TFIP11: variants seen among roughly 807,000 people sequenced by gnomAD.
TFIP11 encodes tuftelin interacting protein 11.
TFIP11 carries 86 observed loss-of-function variants against 96.8 expected under a neutral mutation model. That is an observed-to-expected ratio of 0.89 (90% confidence interval 0.75 to 1.06). TFIP11 has a LOEUF of 1.06. Among genes scored for constraint, TFIP11 ranks in the 50% least tolerant of loss-of-function variants. The pLI is 0.00. For synonymous variants in TFIP11, 405 were observed against 395.2 expected (o/e 1.02, Z -0.29); for missense variants, 881 against 1,076.7 (o/e 0.82, Z 2.54).
At chr22:26,497,558 C>T (rs949469762) in intron 10 of TFIP11, among the ~76,000 whole-genome samples, 1 of 152,200 alleles carries the variant, frequency 6.6e-6, no homozygotes, top group Non-Finnish European at 1.5e-5. Context: ...ATCCAGCAAT[C>T]CCACTACTGG....
intron 6 of TFIP11, among the ~76,000 whole-genome samples, chr22:26,504,405 G>C (rs1485535011): frequency 6.6e-6 from 1 of 152,118 alleles, no homozygotes; most frequent in East Asian, 1.9e-4. Flanking sequence ...TTCCACTGAA[G>C]TCTTAAATAA....
rs766402602 is a variant in TFIP11, at chr22:26,494,952, C to A, written c.1850-13G>T. The A allele has an allele frequency of 5.0e-6, 8 of 1,614,092 alleles. No individual in the cohort carries two copies. The South Asian group carries it at 5.5e-5, about 11-fold the overall frequency. ...CCAAGACACATCCCTGGAAGAGAAA[C>A]CCGGTCTGTAAGGCACAGCTTTAGT... On this transcript the variant is annotated splice_polypyrimidine_tract_variant and intron_variant, in intron 12 of 14. Coordinates refer to ENST00000407690, the MANE Select transcript of TFIP11 (RefSeq NM_012143.4).
intron 14 of TFIP11, chr22:26,493,795 T>C (rs530616311): frequency 9.0e-5 from 24 of 267,306 alleles, no homozygotes; most frequent in South Asian, 8.0e-4. Flanking sequence ...CACTGTAAGA[T>C]GCGTCACCTA....
In TFIP11 at chr22:26,491,287, A is replaced by C; in HGVS notation, c.*726T>G. 1 of 711,140 alleles carries C rather than the reference A, an allele frequency of 1.4e-6. No homozygotes were observed. Among genetic ancestry groups the C allele is most frequent in the Non-Finnish European group, 2.4e-6 (1 of 425,158 alleles). The allele number at this position is 711,140 out of a possible 1,614,324, so 44.1% of individuals were successfully genotyped here. ...TATTCTTAGTATCACAGTCCATGAT[A>C]TCCACTGTCCTTGGGGCGCCCAATT... On this transcript the variant is annotated 3_prime_UTR_variant, in exon 15 of 15. Coordinates refer to ENST00000407690, the MANE Select transcript of TFIP11 (RefSeq NM_012143.4).
chr22:26,492,509 T>C (rs1054134197), intron 14 of TFIP11, 141 bp from the exon 15 acceptor site: 4 of 722,994 alleles, frequency 5.5e-6, no homozygotes, highest in Middle Eastern at 3.7e-4. Flanking sequence ...GATACAACTT[T>C]GGAGGAAGTT....
At chr22:26,499,710 A>G in intron 8 of TFIP11, 79 bp from the exon 9 acceptor site, 4 of 1,428,202 alleles carry the variant, frequency 2.8e-6, no homozygotes, top group East Asian at 2.3e-5. Context: ...GGAAGGCCCC[A>G]TGACAGGGGA....
In TFIP11 at chr22:26,494,266, C is replaced by T. The variant is rs148911336; in HGVS notation, c.2031G>A (p.Glu677=). The change falls in exon 14 of 15, where the codon GAG becomes GAA. Residue 677 remains glutamate (E), a synonymous_variant. Coordinates refer to ENST00000407690, the MANE Select transcript of TFIP11 (RefSeq NM_012143.4). ...CSWLSNSPNY[E]EITKWYLGWK... is the part of the protein sequence containing the mutation. ...AACCCAGGTACCACTTGGTGATCTC[C>T]TCATAATTTGGGCTGTTACTGAGCC... 2 of 1,614,108 alleles carry T rather than the reference C, an allele frequency of 1.2e-6. No individual in the cohort carries two copies. The highest frequency in any genetic ancestry group is 1.3e-5 in the African/African-American group (1 of 74,934).
chr22:26,493,960 G>T, intron 14 of TFIP11, 179 bp downstream of exon 14: 1 of 629,500 alleles, frequency 1.6e-6, no homozygotes. Context: ...GACCTGGGCA[G>T]TGGGTGCCAG....
At chr22:26,510,433 TA>T (rs1923913337) in intron 3 of TFIP11, among the ~76,000 whole-genome samples, 152 bp from the exon 4 acceptor site, 1 of 152,150 alleles carries the variant, frequency 6.6e-6, no homozygotes, top group Non-Finnish European at 1.5e-5. Context: ...AAAAAGATAT[TA>T]AAAACCTACT....
At chr22:26,493,130 C>G (rs1569154961) in intron 14 of TFIP11, 1 of 151,824 alleles carries the variant, frequency 6.6e-6, no homozygotes, top group African/African-American at 2.4e-5. Context: ...CAGGTTTAAG[C>G]GATTCTTCTG....
intron 10 of TFIP11, 74 bp downstream of exon 10, chr22:26,498,795 C>T: frequency 8.3e-7 from 1 of 1,208,712 alleles, no homozygotes; most frequent in African/African-American, 1.5e-5. Flanking sequence ...TGCTGCCTTC[C>T]CCCACCTTCA....
rs145696489 is a variant in TFIP11 at position 26,494,263 on chromosome 22, C to A, written c.2034G>T (p.Glu678Asp). The A allele has an allele frequency of 1.2e-6, 2 of 1,614,032 alleles. No individual in the cohort carries two copies. Among genetic ancestry groups the A allele is most frequent in the African/African-American group, 2.7e-5 (2 of 74,910 alleles). ...TCCAACCCAGGTACCACTTGGTGAT[C>A]TCCTCATAATTTGGGCTGTTACTGA... ...SWLSNSPNYEEITKWYLGWKS... is the reference protein window; with the variant it reads ...SWLSNSPNYEDITKWYLGWKS... The change falls in exon 14 of 15, where the codon GAG becomes GAT. Residue 678 changes from glutamate (E) to aspartate (D), a missense_variant. Transcript: ENST00000407690.
intron 12 of TFIP11, among the ~76,000 whole-genome samples, chr22:26,495,236 A>G (rs549613445): frequency 7.7e-6 from 1 of 130,336 alleles, no homozygotes; most frequent in African/African-American, 2.9e-5. Context: ...GGCTGGGATT[A>G]CAGGCATAAG....
chr22:26,491,348 T>G lies in TFIP11; in HGVS notation c.*665A>C. The G allele has an allele frequency of 6.8e-6, 6 of 888,618 alleles. 1 individual carries two copies. The highest frequency in any genetic ancestry group is 1.1e-5 in the Non-Finnish European group (6 of 570,776). 55.0% of individuals were successfully genotyped at this position (888,618 alleles called of 1,614,324 possible). On this transcript the variant is annotated 3_prime_UTR_variant, in exon 15 of 15. Coordinates refer to ENST00000407690, the MANE Select transcript of TFIP11 (RefSeq NM_012143.4). Reference sequence around the variant, plus strand: ...AAGCATTTAAATCAAAATACCCTATTTGTTATTTTTTTAAAAAGTAAAGTG... The same window carrying G: ...AAGCATTTAAATCAAAATACCCTATGTGTTATTTTTTTAAAAAGTAAAGTG...
intron 4 of TFIP11, among the ~76,000 whole-genome samples, chr22:26,509,200 C>T (rs532384462): frequency 6.6e-6 from 1 of 152,192 alleles, no homozygotes; most frequent in Non-Finnish European, 1.5e-5. Context: ...ACCCTTCCCC[C>T]TCTCTGCTCC....
chr22:26,507,243 C>T (rs1923533051), intron 4 of TFIP11, among the ~76,000 whole-genome samples: 1 of 152,006 alleles, frequency 6.6e-6, no homozygotes, highest in Non-Finnish European at 1.5e-5. Context: ...ATTAATTTAT[C>T]ATAAAAAGCA....
chr22:26,491,525 T>G lies in TFIP11; in HGVS notation c.*488A>C. On this transcript the variant is annotated 3_prime_UTR_variant, in exon 15 of 15. Coordinates refer to ENST00000407690, the MANE Select transcript of TFIP11 (RefSeq NM_012143.4). ...CTTCACAATACATGGACATATTTAA[T>G]GATACCTCTGTCCACTGGTTCCCTG... is the stretch of plus-strand genomic sequence containing the variant. 1 of 1,614,114 alleles carries G rather than the reference T, an allele frequency of 6.2e-7. No individual in the cohort carries two copies. The highest frequency in any genetic ancestry group is 8.5e-7 in the Non-Finnish European group (1 of 1,179,944).
intron 12 of TFIP11, among the ~76,000 whole-genome samples, chr22:26,495,843 G>C (rs1921946105): frequency 6.6e-6 from 1 of 152,026 alleles, no homozygotes; most frequent in African/African-American, 2.4e-5. Flanking sequence ...CACAGAGTCC[G>C]ATATTGTCAC....
chr22:26,494,911 G>A lies in TFIP11; in HGVS notation c.1878C>T (p.Asn626=). The part of the protein sequence containing the change: ...LGMCLGELVI[N]PHQQHMDAFY... ...ATGCATCCATGTGCTGCTGGTGGGG[G>A]TTAATGACTAGCTCACCAAGACACA... Residue 626 remains asparagine, a synonymous_variant, in exon 13 of 15, where the codon AAC becomes AAT. Transcript: ENST00000407690. 6.2e-7 allele frequency: 1 copy of A among 1,614,222 alleles called. No homozygotes were observed. Among genetic ancestry groups the A allele is most frequent in the Non-Finnish European group, 8.5e-7 (1 of 1,180,042 alleles).
Sources: allele counts gnomAD v4.1 joint callset (sites outside exome capture counted in the v4.1 genomes callset), GRCh38; gene constraint gnomAD v4.1.1; transcripts MANE v1.5; gene names NCBI Gene and HGNC (gene_info 2026-07-23, HGNC 2026-07-21).